Variants in SLC7A11 observed in about 807,000 individuals in gnomAD.
SLC7A11 encodes solute carrier family 7 member 11.
SLC7A11 carries 35 observed loss-of-function variants against 54.5 expected under a neutral mutation model. That is an observed-to-expected ratio of 0.64 (90% CI 0.49 to 0.85). The LOEUF is 0.85. Ranked by LOEUF, SLC7A11 falls within the 40% of genes least tolerant of loss-of-function variation. The pLI is 0.00. For synonymous variants in SLC7A11, 230 were observed against 225.2 expected (o/e 1.02, Z -0.19); for missense variants, 583 against 618.1 (o/e 0.94, Z 0.60).
intron 6 of SLC7A11, among the ~76,000 whole-genome samples, chr4:138,210,989 T>A (rs1036510099): frequency 6.6e-6 from 1 of 151,988 alleles, no homozygotes; most frequent in African/African-American, 2.4e-5. Context: ...AGACATGGAA[T>A]CAACTTTAGT....
At chr4:138,179,084 T>A in intron 11 of SLC7A11, 133 bp downstream of exon 11, 1 of 620,936 alleles carries the variant, frequency 1.6e-6, no homozygotes, top group Non-Finnish European at 2.8e-6. Flanking sequence ...GCAGTTCCAA[T>A]TAAAATGCCA....
intron 6 of SLC7A11, among the ~76,000 whole-genome samples, chr4:138,204,079 C>T (rs1470322450): frequency 6.6e-6 from 1 of 152,074 alleles, no homozygotes; most frequent in East Asian, 1.9e-4. Flanking sequence ...CTAGGTTCTA[C>T]TCTTCCTCCA....
chr4:138,214,685 T>C, intron 5 of SLC7A11, 56 bp from the exon 6 acceptor site: 1 of 624,814 alleles, frequency 1.6e-6, no homozygotes, highest in Non-Finnish European at 2.5e-6. Context: ...TTATCCAAAG[T>C]CTCAAATTTT....
intron 6 of SLC7A11, among the ~76,000 whole-genome samples, chr4:138,205,671 A>G (rs187461323): frequency 9.5e-4 from 144 of 152,138 alleles, no homozygotes; most frequent in Non-Finnish European, 1.8e-3. Context: ...TTATTTGTGA[A>G]CCTCATTTTG....
At chr4:138,201,088 G>A (rs1737270884) in intron 6 of SLC7A11, among the ~76,000 whole-genome samples, 1 of 151,990 alleles carries the variant, frequency 6.6e-6, no homozygotes, top group Non-Finnish European at 1.5e-5. Context: ...AGTCTCCCAG[G>A]ACCTAGAAAT....
chr4:138,216,733 G>A, intron 5 of SLC7A11, among the ~76,000 whole-genome samples: 1 of 152,126 alleles, frequency 6.6e-6, no homozygotes, highest in East Asian at 1.9e-4. Flanking sequence ...TTTACTTACA[G>A]GCTAACAGGC....
At chr4:138,199,894 G>A (rs1737235906) in intron 6 of SLC7A11, among the ~76,000 whole-genome samples, 1 of 152,110 alleles carries the variant, frequency 6.6e-6, no homozygotes, top group African/African-American at 2.4e-5. Flanking sequence ...CCCAACATTT[G>A]CCACTTGATC....
chr4:138,197,398 A>G (rs1341340895), intron 6 of SLC7A11, among the ~76,000 whole-genome samples: 1 of 152,122 alleles, frequency 6.6e-6, no homozygotes, highest in African/African-American at 2.4e-5. Context: ...AGAACAAAAG[A>G]CAAAAAGAGG....
intron 9 of SLC7A11, among the ~76,000 whole-genome samples, chr4:138,181,142 A>G (rs1259626879): frequency 1.3e-5 from 2 of 152,138 alleles, no homozygotes; most frequent in African/African-American, 4.8e-5. Flanking sequence ...AGACTCAAAG[A>G]TTGAGATGAT....
In SLC7A11 at chr4:138,198,897, T is replaced by C. The variant is rs1003773218; in HGVS notation, c.792-13653A>G. ...GTTCTTAACTAACATCTAGGTGATA[T>C]ACGAAAATATAATAAAATGACATGA... is the stretch of plus-strand genomic sequence containing the variant. On this transcript the variant is annotated intron_variant, in intron 6 of 11. Transcript: ENST00000280612. Among the ~76,000 whole-genome samples the C allele has an allele frequency of 7.9e-5, 12 of 152,020 alleles. 1 individual carries two copies. The highest frequency in any genetic ancestry group is 2.4e-4 in the African/African-American group (10 of 41,398).
chr4:138,204,621 A>T (rs1271656768), intron 6 of SLC7A11, among the ~76,000 whole-genome samples: 1 of 152,020 alleles, frequency 6.6e-6, no homozygotes, highest in African/African-American at 2.4e-5. Flanking sequence ...TAAACCTAAA[A>T]ATAGGTGACT....
intron 11 of SLC7A11, among the ~76,000 whole-genome samples, chr4:138,172,820 T>G (rs190115860): frequency 6.6e-6 from 1 of 152,132 alleles, no homozygotes; most frequent in Non-Finnish European, 1.5e-5. Context: ...TCTGGGGACA[T>G]TAGTTCTTGT....
chr4:138,216,091 T>C (rs893825699), intron 5 of SLC7A11, among the ~76,000 whole-genome samples: 6 of 152,208 alleles, frequency 3.9e-5, no homozygotes, highest in Non-Finnish European at 7.3e-5. Context: ...TCTCCAGGAA[T>C]GACCATGATA....
Position 138,164,737 on chromosome 4 carries a change from C to CAGTT in SLC7A11, c.*7215_*7218dup, listed in dbSNP as rs1156940740. The CAGTT allele has an allele frequency of 8.5e-5, 13 of 152,098 alleles. No homozygotes were observed. Among genetic ancestry groups the CAGTT allele is most frequent in the Admixed American group, 2.6e-4 (4 of 15,244 alleles). 9.4% of individuals were successfully genotyped at this position (152,098 alleles called of 1,614,324 possible). A position where few individuals can be genotyped will look rare whatever the true frequency, so the allele number is the denominator to read the frequency against. ...AAGAAACTCTGCTTGAGTTGAGGAC[C>CAGTT]AGTTAGTTAGGATATTGAGGATCAC... is the stretch of plus-strand genomic sequence containing the variant. On this transcript the variant is annotated 3_prime_UTR_variant, in exon 12 of 12. Coordinates refer to ENST00000280612, the MANE Select transcript of SLC7A11 (RefSeq NM_014331.4).
chr4:138,226,707 T>C (rs1428666457), intron 3 of SLC7A11, among the ~76,000 whole-genome samples: 1 of 152,196 alleles, frequency 6.6e-6, no homozygotes, highest in East Asian at 1.9e-4. Context: ...TGCAAGAGCT[T>C]TCTAAGTTTC....
chr4:138,223,277 T>C lies in SLC7A11; in HGVS notation c.568A>G (p.Ile190Val), dbSNP rs1426423540. 4.3e-6 allele frequency: 7 copies of C among 1,613,400 alleles called. No individual in the cohort carries two copies. In the Admixed American group the frequency reaches 1.0e-4, roughly 23 times the overall value. The change falls in exon 4 of 12, where the codon ATC becomes GTC. Residue 190 changes from isoleucine to valine, a missense_variant. By Grantham distance (29) the Ile-to-Val change is conservative. Coordinates refer to ENST00000280612, the MANE Select transcript of SLC7A11 (RefSeq NM_014331.4). ...NSMSVSWSARIQIFLTFCKLT... is the reference protein window; with the variant it reads ...NSMSVSWSARVQIFLTFCKLT... Reference sequence around the variant, plus strand: ...TTGCAAAAGGTTAAGAAAATCTGGATCCGGGCGCTCCAGCTGACACTCATG... The same window carrying C: ...TTGCAAAAGGTTAAGAAAATCTGGACCCGGGCGCTCCAGCTGACACTCATG...
At chr4:138,228,292 G>A (rs764130345) in intron 3 of SLC7A11, among the ~76,000 whole-genome samples, 3 of 151,844 alleles carry the variant, frequency 2.0e-5, no homozygotes, top group Non-Finnish European at 4.4e-5. Context: ...ACTAGATCTC[G>A]TATCTTAAGG....
intron 6 of SLC7A11, among the ~76,000 whole-genome samples, chr4:138,201,574 T>G (rs1263859795): frequency 6.6e-6 from 1 of 152,100 alleles, no homozygotes; most frequent in East Asian, 1.9e-4. Flanking sequence ...TAATTGTCAT[T>G]TCCCATGGCC....
intron 2 of SLC7A11, 89 bp downstream of exon 2, chr4:138,236,236 G>T: frequency 9.6e-7 from 1 of 1,038,312 alleles, no homozygotes; most frequent in Non-Finnish European, 1.4e-6. Context: ...CACATGACAT[G>T]CATGTGTCTA....
Sources: gnomAD v4.1 joint callset for allele counts (sites outside exome capture counted in the v4.1 genomes callset) on GRCh38, gnomAD v4.1.1 for gene constraint, MANE v1.5 for transcripts, NCBI Gene and HGNC (gene_info 2026-07-23, HGNC 2026-07-21) for gene names.